Variants in IFI27L1 observed in about 807,000 individuals in gnomAD.
IFI27L1 encodes the protein interferon alpha inducible protein 27 like 1.
A neutral mutation model predicts 9.2 loss-of-function variants in IFI27L1; 3 were observed. The observed-to-expected ratio is 0.32, with a 90% CI of 0.15 to 0.84. IFI27L1 has a LOEUF of 0.84. Ranked by LOEUF, IFI27L1 falls within the 40% of genes least tolerant of loss-of-function variation. The pLI is 0.56. For missense variants in IFI27L1, 133 were observed against 134.2 expected, an observed-to-expected ratio of 0.99 and a Z score of 0.05; for synonymous variants, 53 against 50.0, an observed-to-expected ratio of 1.06 and a Z score of -0.26.
chr14:94,094,460 G>A (rs559162897), intron 1 of IFI27L1, among the ~76,000 whole-genome samples: 4 of 152,108 alleles, frequency 2.6e-5, no homozygotes, highest in Non-Finnish European at 2.9e-5. Flanking sequence ...CCACCCTGCC[G>A]TTTCCTTGCA....
At chr14:94,099,198 A>T (rs1312174492) in intron 2 of IFI27L1, among the ~76,000 whole-genome samples, 2 of 152,210 alleles carry the variant, frequency 1.3e-5, no homozygotes, top group African/African-American at 4.8e-5. Context: ...ACAGGGCGGC[A>T]GGCGCACAAG....
At chr14:94,101,720 G>A (rs139698926) in intron 3 of IFI27L1, 94 bp from the exon 4 acceptor site, 15,476 of 1,339,926 alleles carry the variant, frequency 0.012, 127 homozygotes, top group South Asian at 0.022. Context: ...TGAGAGCACA[G>A]CAGACCCCTC....
At chr14:94,087,121 A>G (rs1215212121) in intron 1 of IFI27L1, among the ~76,000 whole-genome samples, 1 of 152,260 alleles carries the variant, frequency 6.6e-6, no homozygotes, top group East Asian at 1.9e-4. Context: ...CAATTAAAAG[A>G]CAACAGCCTT....
At chr14:94,093,064 C>A (rs981703794) in intron 1 of IFI27L1, among the ~76,000 whole-genome samples, 3 of 151,928 alleles carry the variant, frequency 2.0e-5, no homozygotes, top group African/African-American at 4.8e-5. Flanking sequence ...TCCAACACAT[C>A]CCAATACCAG....
chr14:94,096,235 G>T (rs1460068352), intron 1 of IFI27L1, among the ~76,000 whole-genome samples: 2 of 152,272 alleles, frequency 1.3e-5, no homozygotes, highest in African/African-American at 2.4e-5. Flanking sequence ...CTGTTGAGGG[G>T]TTTTAGGCAG....
intron 3 of IFI27L1, 21 bp from the exon 4 acceptor site, chr14:94,101,793 C>A (rs1440683727): frequency 1.9e-6 from 3 of 1,613,970 alleles, no homozygotes; most frequent in Non-Finnish European, 2.5e-6. Context: ...GGGGCCAACC[C>A]CAAATCTCCA....
intron 2 of IFI27L1, 130 bp from the exon 3 acceptor site, chr14:94,100,609 G>A (rs1886856942): frequency 6.4e-7 from 1 of 1,570,620 alleles, no homozygotes; most frequent in Non-Finnish European, 8.6e-7. Flanking sequence ...TATGGCCTAG[G>A]ATGAGTAGGG....
At position 94,102,556 on chromosome 14, in the gene IFI27L1, C is replaced by T. The variant is rs777623103; in HGVS notation, c.303C>T (p.Pro101=). The T allele has an allele frequency of 5.1e-6, 8 of 1,563,436 alleles. No individual in the cohort carries two copies. Among genetic ancestry groups the T allele is most frequent in the East Asian group, 2.4e-5 (1 of 41,498 alleles). ...GTALGAWLGS[P]PSS Reference sequence around the variant, plus strand: ...CTCTTGGGGCCTGGCTGGGTTCACCCCCTTCCAGCTGAACACCACACTGAG... The same window carrying T: ...CTCTTGGGGCCTGGCTGGGTTCACCTCCTTCCAGCTGAACACCACACTGAG... The change falls in exon 5 of 5, where the codon CCC becomes CCT. Residue 101 remains proline (P), a synonymous_variant. Coordinates refer to ENST00000555523, the MANE Select transcript of IFI27L1 (RefSeq NM_206949.3).
In IFI27L1 at chr14:94,102,593, G is replaced by C; in HGVS notation, c.*25G>C. 2.8e-6 allele frequency: 4 copies of C among 1,405,814 alleles called. No homozygotes were observed. The highest frequency in any genetic ancestry group is 3.8e-6 in the Non-Finnish European group (4 of 1,048,010). The allele number at this position is 1,405,814 out of a possible 1,614,324, so 87.1% of individuals were successfully genotyped here. On this transcript the variant is annotated 3_prime_UTR_variant, in exon 5 of 5. Coordinates refer to ENST00000555523, the MANE Select transcript of IFI27L1 (RefSeq NM_206949.3). ...AACACCACACTGAGGCAGGGAGTTG[G>C]CTCTCTTGGTGGAGATGACTTTCCT...
At chr14:94,095,279 G>A (rs61982115) in intron 1 of IFI27L1, among the ~76,000 whole-genome samples, 16,322 of 152,110 alleles carry the variant, frequency 0.11, 972 homozygotes, top group Non-Finnish European at 0.14. Context: ...TCAAGTGATC[G>A]TCTTGTCTTA....
chr14:94,102,419 CCT>C, intron 4 of IFI27L1, 56 bp from the exon 5 acceptor site: 5 of 1,127,912 alleles, frequency 4.4e-6, no homozygotes, highest in South Asian at 1.6e-5. Context: ...CCTTCAACCC[CCT>C]GTTAGGAGCT....
chr14:94,096,552 G>A (rs1201721201), intron 1 of IFI27L1, among the ~76,000 whole-genome samples: 1 of 152,048 alleles, frequency 6.6e-6, no homozygotes, highest in African/African-American at 2.4e-5. Context: ...AAATTAGCCA[G>A]GTGTGGTCGC....
chr14:94,102,394 G>A (rs1040457501), intron 4 of IFI27L1, 83 bp from the exon 5 acceptor site: 10 of 810,532 alleles, frequency 1.2e-5, no homozygotes, highest in Middle Eastern at 6.6e-4. Context: ...TCTCTGGAGG[G>A]ACCAGGGTCT....
Position 94,101,797 on chromosome 14 carries a change from A to C in IFI27L1, c.62-17A>C. 1 of 1,614,002 alleles carries C rather than the reference A, an allele frequency of 6.2e-7. No homozygotes were observed. Among genetic ancestry groups the C allele is most frequent in the Non-Finnish European group, 8.5e-7 (1 of 1,179,896 alleles). On this transcript the variant is annotated splice_polypyrimidine_tract_variant and intron_variant, in intron 3 of 4. Coordinates refer to ENST00000555523, the MANE Select transcript of IFI27L1 (RefSeq NM_206949.3). ...CTCCGTCCCATGGGGCCAACCCCAA[A>C]TCTCCACTTCCCGCAGTTGTGGCTG...
intron 1 of IFI27L1, among the ~76,000 whole-genome samples, chr14:94,096,583 A>G (rs1346789295): frequency 6.6e-6 from 1 of 151,654 alleles, no homozygotes; most frequent in Non-Finnish European, 1.5e-5. Context: ...AATCCCAGCT[A>G]CTCAGGAGGC....
Position 94,099,017 on chromosome 14 carries a change from A to G in IFI27L1, c.29-1722A>G, listed in dbSNP as rs573010353. 3.0e-4 allele frequency among the ~76,000 whole-genome samples: 46 copies of G among 152,330 alleles called. No individual in the cohort carries two copies. The Middle Eastern group carries it at 0.014, about 45-fold the overall frequency. ...CACAAGGAGCTTTGCTCTAAGGAGC[A>G]AAGCAAAGTGAGGTGGCAGCTGGAG... On this transcript the variant is annotated intron_variant, in intron 2 of 4. Coordinates refer to ENST00000555523, the MANE Select transcript of IFI27L1 (RefSeq NM_206949.3).
chr14:94,098,364 G>A (rs2402409), intron 2 of IFI27L1, among the ~76,000 whole-genome samples: 75,278 of 151,472 alleles, frequency 0.5, 20,089 homozygotes, highest in African/African-American at 0.71. Context: ...CTGTCTTCAC[G>A]TGGGCTTCTC....
At chr14:94,088,204 T>G (rs998518) in intron 1 of IFI27L1, 341,088 of 700,926 alleles carry the variant, frequency 0.49, 90,716 homozygotes, top group East Asian at 0.92. Flanking sequence ...TGCTTCGGCT[T>G]CTTCTACTGC....
intron 1 of IFI27L1, among the ~76,000 whole-genome samples, chr14:94,084,680 G>C (rs1009292782): frequency 6.6e-6 from 1 of 152,224 alleles, no homozygotes; most frequent in African/African-American, 2.4e-5. Flanking sequence ...ATTGAGACAT[G>C]GCATTACATT....
Sources: gnomAD v4.1 joint callset for allele counts (sites outside exome capture counted in the v4.1 genomes callset) on GRCh38, gnomAD v4.1.1 for gene constraint, MANE v1.5 for transcripts, NCBI Gene and HGNC (gene_info 2026-07-23, HGNC 2026-07-21) for gene names.